The following TTLL5 variants were observed in gnomAD, a reference collection of about 807,000 sequenced individuals.
TTLL5 encodes the protein tubulin polyglutamylase TTLL5.
TTLL5 carries 132 observed loss-of-function variants against 168.4 expected under a neutral mutation model. The observed-to-expected ratio is 0.78, with a 90% confidence interval of 0.68 to 0.91. The LOEUF is 0.91. TTLL5 is among the 40% of genes least tolerant of loss of function. TTLL5 has a pLI of 0.00. For missense variants in TTLL5, 1,545 were observed against 1,581.5 expected, an observed-to-expected ratio of 0.98 and a Z score of 0.39; for synonymous variants, 546 against 558.6, an observed-to-expected ratio of 0.98 and a Z score of 0.32.
At chr14:75,905,950 A>T (rs959240193) in intron 31 of TTLL5, among the ~76,000 whole-genome samples, 1 of 152,108 alleles carries the variant, frequency 6.6e-6, no homozygotes, top group Non-Finnish European at 1.5e-5. Context: ...AAAATCAATG[A>T]TGGATTTCAT....
chr14:75,663,161 G>T lies in TTLL5; in HGVS notation c.12G>T (p.Val4=). MPI[V]MARDLEETAS... Reference sequence around the variant, plus strand: ...AAACCCTAAAGGAAATGCCAATCGTGATGGCCCGGGACCTGGAGGAAACAG... The same window carrying T: ...AAACCCTAAAGGAAATGCCAATCGTTATGGCCCGGGACCTGGAGGAAACAG... The change falls in exon 2 of 32, where the codon GTG becomes GTT. Residue 4 remains valine, a synonymous_variant. Coordinates refer to ENST00000298832, the MANE Select transcript of TTLL5 (RefSeq NM_015072.5). 4.3e-6 allele frequency: 7 copies of T among 1,613,700 alleles called. No homozygotes were observed. The highest frequency in any genetic ancestry group is 5.1e-6 in the Non-Finnish European group (6 of 1,179,910).
intron 31 of TTLL5, among the ~76,000 whole-genome samples, chr14:75,902,745 G>T (rs1216111869): frequency 2.0e-5 from 3 of 152,158 alleles, no homozygotes; most frequent in Non-Finnish European, 4.4e-5. Flanking sequence ...CTCAGTGTAG[G>T]TGCATACAGA....
chr14:75,741,191 C>T (rs1889242761), intron 15 of TTLL5, among the ~76,000 whole-genome samples: 1 of 152,188 alleles, frequency 6.6e-6, no homozygotes, highest in South Asian at 2.1e-4. Flanking sequence ...ATTTCTGAAT[C>T]GTAAGTTGTA....
intron 13 of TTLL5, among the ~76,000 whole-genome samples, chr14:75,733,581 A>G (rs774813330): frequency 3.0e-4 from 45 of 152,244 alleles, no homozygotes; most frequent in Admixed American, 4.6e-4. Flanking sequence ...TGTGAATGTG[A>G]CTTGACTGTT....
intron 6 of TTLL5, among the ~76,000 whole-genome samples, chr14:75,695,800 GCCCTCCCCTC>G (rs572809024): frequency 1.6e-4 from 14 of 90,264 alleles, no homozygotes; most frequent in South Asian, 7.2e-4. Flanking sequence ...TCCCTTCCCT[GCCCTCCCCTC>G]CCCTCCCCTC....
chr14:75,752,067 A>C (rs972967352), intron 17 of TTLL5, among the ~76,000 whole-genome samples: 8 of 152,092 alleles, frequency 5.3e-5, no homozygotes, highest in Non-Finnish European at 1.0e-4. Context: ...AGCAGTGAGG[A>C]CAACCATTGT....
In TTLL5 at chr14:75,669,399, CT is replaced by C; in HGVS notation, c.75-11del. The stretch of plus-strand genomic sequence containing the variant: ...GTTTTGAGCTGTAAATTAATGAAGG[CT>C]TTTTTGTCGTTATAGGGATCATCCA... On this transcript the variant is annotated splice_polypyrimidine_tract_variant and intron_variant, in intron 2 of 31. Transcript: ENST00000298832. The C allele has an allele frequency of 1.9e-6, 3 of 1,602,708 alleles. No individual in the cohort carries two copies. The highest frequency in any genetic ancestry group is 2.6e-6 in the Non-Finnish European group (3 of 1,171,584).
chr14:75,759,296 T>TTAA lies in TTLL5; in HGVS notation c.1551-5319_1551-5318insTAA, dbSNP rs1197039250. ...TAGTTGAAATGACAATTCTTTGTGG[T>TTAA]GGTGGGAAAGTTGGGGGCAACACCC... On this transcript the variant is annotated intron_variant, in intron 18 of 31. Coordinates refer to ENST00000298832, the MANE Select transcript of TTLL5 (RefSeq NM_015072.5). Among the ~76,000 whole-genome samples, 13 of 152,274 alleles carry TTAA rather than the reference T, an allele frequency of 8.5e-5. No homozygotes were observed. In the East Asian group the frequency reaches 2.5e-3, roughly 29 times the overall value.
At chr14:75,944,208 A>G (rs879674578) in intron 31 of TTLL5, among the ~76,000 whole-genome samples, 4 of 152,224 alleles carry the variant, frequency 2.6e-5, no homozygotes, top group Non-Finnish European at 4.4e-5. Context: ...CACTGCCGCT[A>G]ACATATTTTG....
intron 3 of TTLL5, among the ~76,000 whole-genome samples, chr14:75,674,236 G>A (rs1401858316): frequency 1.3e-5 from 2 of 152,114 alleles, no homozygotes; most frequent in Middle Eastern, 3.4e-3. Context: ...GTTCCTTGTG[G>A]CTTAATAATT....
chr14:75,882,961 C>T, intron 30 of TTLL5, 59 bp downstream of exon 30: 1 of 1,541,876 alleles, frequency 6.5e-7, no homozygotes, highest in Non-Finnish European at 8.9e-7. Context: ...TAATAGTACT[C>T]TTTATTTATT....
In TTLL5 at chr14:75,766,301, C is replaced by G; in HGVS notation, c.1948C>G (p.Leu650Val). 6.2e-7 allele frequency: 1 copy of G among 1,614,042 alleles called. No individual in the cohort carries two copies. Among genetic ancestry groups the G allele is most frequent in the East Asian group, 2.2e-5 (1 of 44,868 alleles). The change falls in exon 20 of 32, where the codon CTT (leucine) becomes GTT (valine). Residue 650 changes from leucine (L) to valine (V), a missense_variant. Coordinates refer to ENST00000298832, the MANE Select transcript of TTLL5 (RefSeq NM_015072.5). ...TAATAAAGGTGGACACTGCTGCAAA[C>G]TTGAGACTCAGGAGCTAGAGCCTAA... is the stretch of plus-strand genomic sequence containing the variant. ...WNNKGGHCCKLETQELEPKFN... is the reference protein window; with the variant it reads ...WNNKGGHCCKVETQELEPKFN...
chr14:75,834,675 C>A (rs551172048), intron 28 of TTLL5, among the ~76,000 whole-genome samples: 1 of 152,232 alleles, frequency 6.6e-6, no homozygotes, highest in African/African-American at 2.4e-5. Flanking sequence ...AGTCACACAC[C>A]ATCATTTAAA....
intron 30 of TTLL5, among the ~76,000 whole-genome samples, chr14:75,886,206 G>C (rs530131332): frequency 6.6e-6 from 1 of 152,302 alleles, no homozygotes; most frequent in South Asian, 2.1e-4. Flanking sequence ...ATTTCCAAGA[G>C]CATCAAAGTT....
chr14:75,785,998 A>G (rs753435118), intron 26 of TTLL5, among the ~76,000 whole-genome samples: 6 of 152,208 alleles, frequency 3.9e-5, no homozygotes, highest in Non-Finnish European at 8.8e-5. Context: ...AGTAATAGCT[A>G]TGTTAAGGTG....
chr14:75,802,584 G>A (rs754713733), intron 27 of TTLL5, among the ~76,000 whole-genome samples: 1 of 152,138 alleles, frequency 6.6e-6, no homozygotes, highest in Non-Finnish European at 1.5e-5. Context: ...CATTGTGTTT[G>A]TGTGTGCATG....
chr14:75,790,653 A>G (rs576714266), intron 26 of TTLL5, among the ~76,000 whole-genome samples: 39 of 151,630 alleles, frequency 2.6e-4, no homozygotes, highest in African/African-American at 9.4e-4. Context: ...TTTGTAGAGA[A>G]GAGATCTCAC....
chr14:75,768,398 A>C (rs535033647), intron 20 of TTLL5, among the ~76,000 whole-genome samples: 2 of 152,318 alleles, frequency 1.3e-5, no homozygotes, highest in East Asian at 3.9e-4. Context: ...GAGTGGAGAA[A>C]ATAAGAAAGC....
chr14:75,732,800 A>G (rs370645733), intron 13 of TTLL5, among the ~76,000 whole-genome samples: 3 of 152,228 alleles, frequency 2.0e-5, no homozygotes, highest in African/African-American at 7.2e-5. Context: ...CTATAAAGGT[A>G]TAAACCTGGA....
Sources: allele counts gnomAD v4.1 joint callset (sites outside exome capture counted in the v4.1 genomes callset), GRCh38; gene constraint gnomAD v4.1.1; transcripts MANE v1.5; gene names NCBI Gene and HGNC (gene_info 2026-07-23, HGNC 2026-07-21).